Variants in TSPAN14 observed in about 807,000 individuals in gnomAD.
TSPAN14 encodes the protein tetraspanin-14.
Under a neutral mutation model 36.6 loss-of-function variants are expected in TSPAN14, and 16 were observed. The ratio of observed to expected loss-of-function variants is 0.44; its 90% confidence interval spans 0.30 to 0.66. The LOEUF is 0.66. TSPAN14 is among the 30% of genes least tolerant of loss of function. The pLI is 0.12. For synonymous variants in TSPAN14, 139 were observed against 143.8 expected (o/e 0.97, Z 0.24); for missense variants, 231 against 355.1 (o/e 0.65, Z 2.81).
At chr10:80,474,120 G>A (rs1462457115) in intron 1 of TSPAN14, among the ~76,000 whole-genome samples, 1 of 152,022 alleles carries the variant, frequency 6.6e-6, no homozygotes, top group Non-Finnish European at 1.5e-5. Context: ...GCTACTAGAG[G>A]TGCAGCAGAA....
chr10:80,517,465 A>G (rs928835548), intron 8 of TSPAN14, among the ~76,000 whole-genome samples: 1 of 152,354 alleles, frequency 6.6e-6, no homozygotes, highest in African/African-American at 2.4e-5. Flanking sequence ...TAGCACAGCC[A>G]AAATTGGGGA....
chr10:80,519,607 T>C (rs370405200), exon 9 of TSPAN14: 49 of 152,488 alleles, frequency 3.2e-4, no homozygotes, highest in African/African-American at 1.1e-3. Flanking sequence ...CCAAACTCTT[T>C]TATGGAATAT....
Position 80,517,892 on chromosome 10 carries a change from G to C in TSPAN14, c.742-13G>C. Reference sequence around the variant, plus strand: ...CCAGCAATGGCCGCTGACTCTGCTGGTGTTGGTTTCAGATATTTGGCATCT... The same window carrying C: ...CCAGCAATGGCCGCTGACTCTGCTGCTGTTGGTTTCAGATATTTGGCATCT... On this transcript the variant is annotated splice_polypyrimidine_tract_variant and intron_variant, in intron 8 of 8. Transcript: ENST00000429989. 6.4e-7 allele frequency: 1 copy of C among 1,559,342 alleles called. No homozygotes were observed. Among genetic ancestry groups the C allele is most frequent in the Non-Finnish European group, 8.7e-7 (1 of 1,150,410 alleles).
At chr10:80,458,433 C>T (rs752395510) in intron 1 of TSPAN14, among the ~76,000 whole-genome samples, 10 of 152,186 alleles carry the variant, frequency 6.6e-5, no homozygotes, top group Non-Finnish European at 1.5e-4. Flanking sequence ...TGATTTCCCT[C>T]GGGGCCAGCA....
At chr10:80,504,825 A>G in intron 3 of TSPAN14, 47 bp downstream of exon 3, 1 of 1,606,998 alleles carries the variant, frequency 6.2e-7, no homozygotes, top group Non-Finnish European at 8.5e-7. Flanking sequence ...AGCCAAAACC[A>G]GATTCGTTGG....
intron 1 of TSPAN14, among the ~76,000 whole-genome samples, chr10:80,488,354 C>T (rs1367423289): frequency 6.6e-6 from 1 of 152,210 alleles, no homozygotes; most frequent in Non-Finnish European, 1.5e-5. Flanking sequence ...TCGGAAATAG[C>T]ACCCTCCTGC....
chr10:80,519,421 C>T (rs1286487620), exon 9 of TSPAN14: 1 of 152,670 alleles, frequency 6.6e-6, no homozygotes, highest in Non-Finnish European at 1.5e-5. Context: ...ATAGCTCAGA[C>T]CACTTCTCAT....
intron 1 of TSPAN14, among the ~76,000 whole-genome samples, chr10:80,472,596 C>T (rs1846616522): frequency 6.6e-6 from 1 of 152,208 alleles, no homozygotes; most frequent in Admixed American, 6.5e-5. Context: ...TCGGTTGTTT[C>T]TGTCATGGGT....
chr10:80,512,796 C>G (rs765909624), intron 6 of TSPAN14, among the ~76,000 whole-genome samples: 1 of 152,064 alleles, frequency 6.6e-6, no homozygotes, highest in East Asian at 1.9e-4. Context: ...TGGGTTCAAG[C>G]GATTCTCCTG....
chr10:80,512,580 C>G (rs1840717906), intron 6 of TSPAN14, among the ~76,000 whole-genome samples: 1 of 152,194 alleles, frequency 6.6e-6, no homozygotes, highest in Admixed American at 6.5e-5. Flanking sequence ...GCCCGCTTAT[C>G]CCTCTTCCCT....
chr10:80,456,503 G>A (rs1433344258), intron 1 of TSPAN14, among the ~76,000 whole-genome samples: 3 of 152,178 alleles, frequency 2.0e-5, no homozygotes, highest in Non-Finnish European at 4.4e-5. Context: ...TGGAGGCCGG[G>A]GAGCAGGAAA....
chr10:80,473,873 C>G (rs1169890157), intron 1 of TSPAN14, among the ~76,000 whole-genome samples: 1 of 151,902 alleles, frequency 6.6e-6, no homozygotes, highest in Non-Finnish European at 1.5e-5. Context: ...CAGAGAGAGC[C>G]GAGCCCCTCC....
chr10:80,515,101 G>C (rs1465859271), intron 7 of TSPAN14, among the ~76,000 whole-genome samples: 1 of 152,190 alleles, frequency 6.6e-6, no homozygotes, highest in Admixed American at 6.5e-5. Flanking sequence ...AATGGACTAA[G>C]ATAAGAACCT....
rs1423628132 is a variant in TSPAN14, at chr10:80,514,802, T to G, written c.621+739T>G. 2.3e-4 allele frequency among the ~76,000 whole-genome samples: 35 copies of G among 152,254 alleles called. 2 individuals carry two copies. The highest frequency in any genetic ancestry group is 2.1e-3 in the Admixed American group (32 of 15,304). ...ACATGTTGGAACTTAAACTCCAATG[T>G]GATGGTATTTAAGAGGTGGGGTCTT... On this transcript the variant is annotated intron_variant, in intron 7 of 8. Transcript: ENST00000429989.
Position 80,509,773 on chromosome 10 carries a change from C to G in TSPAN14, c.450+302C>G. 2.8e-6 allele frequency: 1 copy of G among 362,518 alleles called. No homozygotes were observed. Among genetic ancestry groups the G allele is most frequent in the South Asian group, 3.2e-5 (1 of 30,948 alleles). 22.5% of individuals were successfully genotyped at this position (362,518 alleles called of 1,614,324 possible). On this transcript the variant is annotated intron_variant, in intron 5 of 8. Coordinates refer to ENST00000429989, the Ensembl canonical transcript of TSPAN14. This position sits in a 1 kb window ranked among gnomAD's most constrained non-coding sequence, Gnocchi z 4.7. ...CGGCCCCAGATCTTTCCAATCCTGC[C>G]CAATAGCCATACCAGCTGCAATCCT...
At position 80,515,960 on chromosome 10, in the gene TSPAN14, G is replaced by A. The variant is rs374091533; in HGVS notation, c.622-244G>A. On this transcript the variant is annotated intron_variant, in intron 7 of 8. Coordinates refer to ENST00000429989, the Ensembl canonical transcript of TSPAN14. ...TGAGAAAGTTGGGCTTTAAATCTCT[G>A]GAGACCTGAAAGGAAACAGCCAGGG... is the stretch of plus-strand genomic sequence containing the variant. The A allele has an allele frequency of 1.1e-5, 6 of 523,826 alleles. No homozygotes were observed. The South Asian group carries it at 1.2e-4, about 10-fold the overall frequency. 32.4% of individuals were successfully genotyped at this position (523,826 alleles called of 1,614,324 possible).
exon 8 of TSPAN14, chr10:80,516,279 A>G (rs964717219): frequency 1.6e-5 from 26 of 1,614,080 alleles, no homozygotes; most frequent in African/African-American, 2.7e-5. Flanking sequence ...CCCGCGGAAC[A>G]TTTACATTGT....
At chr10:80,455,873 G>T (rs376348470) in intron 1 of TSPAN14, among the ~76,000 whole-genome samples, 4 of 152,142 alleles carry the variant, frequency 2.6e-5, no homozygotes, top group African/African-American at 7.2e-5. Flanking sequence ...GCCACCACGC[G>T]CAGTCTGATC....
At chr10:80,486,576 C>T (rs1411052625) in intron 1 of TSPAN14, among the ~76,000 whole-genome samples, 1 of 152,192 alleles carries the variant, frequency 6.6e-6, no homozygotes, top group African/African-American at 2.4e-5. Context: ...CAAAGGAGCA[C>T]TCTGTAGGAT....
Sources: gnomAD v4.1 joint callset for allele counts (sites outside exome capture counted in the v4.1 genomes callset) on GRCh38, gnomAD v4.1.1 for gene constraint, Gnocchi (gnomAD v3.1) non-coding constraint, MANE v1.5 for transcripts, NCBI Gene and HGNC (gene_info 2026-07-23, HGNC 2026-07-21) for gene names.